Variants in RPRD1B observed in about 807,000 individuals in gnomAD.
RPRD1B encodes the protein regulation of nuclear pre-mRNA domain containing 1B, also known as regulation of nuclear pre-mRNA domain-containing protein 1B.
In RPRD1B, 11 loss-of-function variants were observed where a neutral mutation model predicts 41.5. The observed-to-expected ratio is 0.27, with a 90% confidence interval of 0.17 to 0.44. The LOEUF (loss-of-function observed/expected upper bound fraction) is 0.44. RPRD1B is among the 20% of genes least tolerant of loss of function. RPRD1B has a pLI of 1.00. For missense variants in RPRD1B, 248 were observed against 389.9 expected (o/e 0.64, Z 3.06); for synonymous variants, 158 against 155.6 (o/e 1.02, Z -0.12).
At chr20:38,046,382 T>G (rs2074121330) in intron 2 of RPRD1B, among the ~76,000 whole-genome samples, 1 of 152,188 alleles carries the variant, frequency 6.6e-6, no homozygotes, top group Non-Finnish European at 1.5e-5. Flanking sequence ...CCATATACAT[T>G]TTTCTGGAAA....
intron 2 of RPRD1B, among the ~76,000 whole-genome samples, chr20:38,041,547 A>G (rs1437722222): frequency 6.6e-6 from 1 of 152,254 alleles, no homozygotes; most frequent in Non-Finnish European, 1.5e-5. Flanking sequence ...CGCAAGTAGC[A>G]AAATGTGTTA....
rs567535226 is a variant in RPRD1B at position 38,060,792 on chromosome 20, C to A, written c.655+1272C>A. ...ACCTGCAGTCTCTTGATTCCTCCCCCACCTCTTCCTAGTCCTCGAGTCCTC... is the reference window on the plus strand; with the variant it reads ...ACCTGCAGTCTCTTGATTCCTCCCCAACCTCTTCCTAGTCCTCGAGTCCTC... On this transcript the variant is annotated intron_variant, in intron 5 of 6. Transcript: ENST00000373433. 3.3e-5 allele frequency among the ~76,000 whole-genome samples: 5 copies of A among 152,284 alleles called. No individual in the cohort carries two copies. In the East Asian group the frequency reaches 9.7e-4, roughly 29 times the overall value.
At chr20:38,058,125 T>G (rs550729652) in intron 4 of RPRD1B, among the ~76,000 whole-genome samples, 1 of 152,178 alleles carries the variant, frequency 6.6e-6, no homozygotes, top group African/African-American at 2.4e-5. Context: ...TATTTGGCTA[T>G]ACAGGTTAGC....
chr20:38,080,519 CTTTA>C (rs370338403), intron 6 of RPRD1B, among the ~76,000 whole-genome samples: 12 of 152,092 alleles, frequency 7.9e-5, no homozygotes, highest in Non-Finnish European at 1.8e-4. Context: ...AGGTGTACAG[CTTTA>C]TTTATTTATT....
intron 1 of RPRD1B, among the ~76,000 whole-genome samples, chr20:38,037,752 G>A (rs1291253293): frequency 1.3e-5 from 2 of 152,168 alleles, no homozygotes; most frequent in African/African-American, 4.8e-5. Context: ...ATTGTAAACA[G>A]TGAAAACCTT....
chr20:38,089,842 G>T lies in RPRD1B; in HGVS notation c.948G>T (p.Leu316=). 3.1e-6 allele frequency: 5 copies of T among 1,614,118 alleles called. No homozygotes were observed. Among genetic ancestry groups the T allele is most frequent in the Non-Finnish European group, 4.2e-6 (5 of 1,179,984 alleles). Residue 316 remains leucine (L), a synonymous_variant, in exon 7 of 7, where the codon CTG becomes CTT. Transcript: ENST00000373433. ...ACGTCACAGGGGGCTTAGCCCCCCT[G>T]CCCTCTGCTGGGGACCTGTTTTCAA... The part of the protein sequence containing the change: ...LPNVTGGLAP[L]PSAGDLFSTD
intron 6 of RPRD1B, among the ~76,000 whole-genome samples, chr20:38,079,088 C>T (rs575508918): frequency 6.6e-6 from 1 of 152,134 alleles, no homozygotes; most frequent in African/African-American, 2.4e-5. Flanking sequence ...TCAGATCTGT[C>T]GATTCAAATG....
intron 3 of RPRD1B, among the ~76,000 whole-genome samples, chr20:38,053,459 A>G (rs1261609594): frequency 6.6e-6 from 1 of 152,098 alleles, no homozygotes; most frequent in Non-Finnish European, 1.5e-5. Context: ...TACTGCAGGG[A>G]TGTAGAGGAA....
Position 38,091,414 on chromosome 20 carries a change from C to A in RPRD1B, c.*1539C>A. On this transcript the variant is annotated 3_prime_UTR_variant, in exon 7 of 7. Transcript: ENST00000373433. ...AAGTGAGAACAATGAAAAGTCATAGCAGATACTCAGTTTAACTCTGTGTAG... is the reference window on the plus strand; with the variant it reads ...AAGTGAGAACAATGAAAAGTCATAGAAGATACTCAGTTTAACTCTGTGTAG... The A allele has an allele frequency of 4.1e-6, 4 of 985,330 alleles. No individual in the cohort carries two copies. The highest frequency in any genetic ancestry group is 4.8e-6 in the Non-Finnish European group (4 of 829,876). 61.0% of individuals were successfully genotyped at this position (985,330 alleles called of 1,614,324 possible). A position where few individuals can be genotyped will look rare whatever the true frequency, so the allele number is the denominator to read the frequency against.
rs552927049 is a variant in RPRD1B, at chr20:38,070,560, G to A, written c.831+4304G>A. On this transcript the variant is annotated intron_variant, in intron 6 of 6. Coordinates refer to ENST00000373433, the MANE Select transcript of RPRD1B (RefSeq NM_021215.4). The stretch of plus-strand genomic sequence containing the variant: ...CTGCTCAAAGCTCATAAGACATAGC[G>A]TGAGTGGGTTGGATAGGGTTCCTGT... 3.2e-5 allele frequency: 32 copies of A among 985,456 alleles called. No individual in the cohort carries two copies. In the South Asian group the frequency reaches 1.2e-3, roughly 36 times the overall value. 61.0% of individuals were successfully genotyped at this position (985,456 alleles called of 1,614,324 possible).
chr20:38,086,037 A>G (rs1370067836), intron 6 of RPRD1B, among the ~76,000 whole-genome samples: 5 of 152,022 alleles, frequency 3.3e-5, no homozygotes, highest in African/African-American at 7.2e-5. Context: ...GGGTTTTGCC[A>G]TGTTCGGGCA....
At chr20:38,062,288 C>G (rs2074305686) in intron 5 of RPRD1B, among the ~76,000 whole-genome samples, 1 of 152,116 alleles carries the variant, frequency 6.6e-6, no homozygotes, top group Non-Finnish European at 1.5e-5. Context: ...CATATTAGCC[C>G]CCTTCTTTAG....
At chr20:38,083,207 T>TA (rs997570464) in intron 6 of RPRD1B, among the ~76,000 whole-genome samples, 47 of 149,612 alleles carry the variant, frequency 3.1e-4, no homozygotes, top group Middle Eastern at 3.4e-3. Flanking sequence ...TGGTTTACTT[T>TA]AAAAAAAAAA....
At chr20:38,066,787 C>T (rs756367321) in intron 6 of RPRD1B, among the ~76,000 whole-genome samples, 18 of 152,076 alleles carry the variant, frequency 1.2e-4, no homozygotes, top group Non-Finnish European at 2.2e-4. Context: ...TCCCAAGTAG[C>T]TGGAACTACA....
intron 6 of RPRD1B, 31 bp from the exon 7 acceptor site, chr20:38,089,695 T>A: frequency 6.3e-7 from 1 of 1,595,322 alleles, no homozygotes; most frequent in South Asian, 1.1e-5. Flanking sequence ...CGCACAGACT[T>A]AACGGTATTG....
chr20:38,080,869 C>T (rs2074506241), intron 6 of RPRD1B, among the ~76,000 whole-genome samples: 2 of 152,144 alleles, frequency 1.3e-5, no homozygotes, highest in South Asian at 2.1e-4. Context: ...TTCCATTGGT[C>T]TTTGTATCTG....
At chr20:38,038,964 A>G (rs2074035150) in intron 1 of RPRD1B, among the ~76,000 whole-genome samples, 1 of 152,230 alleles carries the variant, frequency 6.6e-6, no homozygotes, top group African/African-American at 2.4e-5. Flanking sequence ...AGCATTGGAG[A>G]AAACTTTGTG....
At chr20:38,046,338 T>C (rs79340321) in intron 2 of RPRD1B, among the ~76,000 whole-genome samples, 3,613 of 152,276 alleles carry the variant, frequency 0.024, 146 homozygotes, top group African/African-American at 0.082. Context: ...AAGATGATTG[T>C]TGAAAGTTAA....
intron 2 of RPRD1B, among the ~76,000 whole-genome samples, chr20:38,042,525 T>C (rs1304631425): frequency 6.6e-6 from 1 of 152,200 alleles, no homozygotes. Context: ...TCAGTGGCAG[T>C]GTGAGGAAGA....
Sources: allele counts gnomAD v4.1 joint callset (sites outside exome capture counted in the v4.1 genomes callset), GRCh38; gene constraint gnomAD v4.1.1; transcripts MANE v1.5; gene names NCBI Gene and HGNC (gene_info 2026-07-23, HGNC 2026-07-21).